Variants in HIPK1 observed in about 807,000 individuals in gnomAD.
The protein encoded by HIPK1 is homeodomain interacting protein kinase 1.
HIPK1 carries 28 observed loss-of-function variants against 117.1 expected under a neutral mutation model. The ratio of observed to expected loss-of-function variants is 0.24; its 90% CI spans 0.18 to 0.33. The LOEUF (loss-of-function observed/expected upper bound fraction) is 0.33, where lower values mean the gene tolerates loss of function less well. Ranked by LOEUF, HIPK1 falls within the 10% of genes least tolerant of loss-of-function variation. The pLI is 1.00. For synonymous variants in HIPK1, 605 were observed against 562.5 expected, an observed-to-expected ratio of 1.08 and a Z score of -1.07; for missense variants, 1,122 against 1,475.1, an observed-to-expected ratio of 0.76 and a Z score of 3.92.
intron 11 of HIPK1, 61 bp downstream of exon 11, chr1:113,966,333 T>C: frequency 6.6e-7 from 1 of 1,504,704 alleles, no homozygotes; most frequent in Non-Finnish European, 9.0e-7. Context: ...GTGGGAGCAC[T>C]TGGTAATAAG....
rs1178060122 is a variant in HIPK1 at position 113,973,364 on chromosome 1, C to G, written c.3485C>G (p.Pro1162Arg). Reference sequence around the variant, plus strand: ...CACCAGGTCCCTGTCAGTGTTGGGCCCAGCCTCCTCACTTCTGCCAGCGTG... The same window carrying G: ...CACCAGGTCCCTGTCAGTGTTGGGCGCAGCCTCCTCACTTCTGCCAGCGTG... ...LVHQVPVSVG[P>R]SLLTSASVAP... Residue 1162 changes from proline (P) to arginine (R), a missense_variant, in exon 16 of 16, where the codon CCC becomes CGC. Pro to Arg is a moderately radical substitution (Grantham distance 103). This residue lies in a region of HIPK1 where 731 missense variants were observed against 860.4 expected (regional missense o/e 0.85). Transcript: ENST00000426820. 1 of 1,614,144 alleles carries G rather than the reference C, an allele frequency of 6.2e-7. No homozygotes were observed. The highest frequency in any genetic ancestry group is 8.5e-7 in the Non-Finnish European group (1 of 1,180,010).
chr1:113,973,711 A>G lies in HIPK1; in HGVS notation c.*199A>G, dbSNP rs979010933. The G allele has an allele frequency of 8.6e-6, 4 of 465,120 alleles. No individual in the cohort carries two copies. In the Admixed American group the frequency reaches 1.3e-4, roughly 15 times the overall value. The allele number at this position is 465,120 out of a possible 1,614,324, so 28.8% of individuals were successfully genotyped here. On this transcript the variant is annotated 3_prime_UTR_variant, in exon 16 of 16. Coordinates refer to ENST00000426820, the MANE Select transcript of HIPK1 (RefSeq NM_198268.3). Reference sequence around the variant, plus strand: ...TGACTGCATTGTTGTAGTCTTCCCAAAGTTTGCCCTATTTTTAAATTCATT... The same window carrying G: ...TGACTGCATTGTTGTAGTCTTCCCAGAGTTTGCCCTATTTTTAAATTCATT...
chr1:113,950,436 A>G (rs1041044974), intron 2 of HIPK1, among the ~76,000 whole-genome samples: 1 of 152,200 alleles, frequency 6.6e-6, no homozygotes, highest in African/African-American at 2.4e-5. Flanking sequence ...TAAGAAAGAA[A>G]GGAAATTATT....
At chr1:113,958,567 T>A (rs1671881763) in intron 8 of HIPK1, among the ~76,000 whole-genome samples, 1 of 152,238 alleles carries the variant, frequency 6.6e-6, no homozygotes, top group South Asian at 2.1e-4. Context: ...CTTGTGTCAA[T>A]GTCGTACGTC....
At chr1:113,965,654 A>T (rs1401882272) in intron 10 of HIPK1, among the ~76,000 whole-genome samples, 1 of 152,164 alleles carries the variant, frequency 6.6e-6, no homozygotes, top group Non-Finnish European at 1.5e-5. Flanking sequence ...CTACCCTTTT[A>T]AAAAAGGGAA....
At chr1:113,954,126 AATTCTTTTATTTTT>A (rs1437790545) in intron 3 of HIPK1, among the ~76,000 whole-genome samples, 5 of 151,950 alleles carry the variant, frequency 3.3e-5, no homozygotes, top group African/African-American at 1.2e-4. Context: ...TTGCCTAGCT[AATTCTTTTATTTTT>A]TGTAGAGTCG....
At chr1:113,960,971 G>A (rs1672068493) in intron 8 of HIPK1, among the ~76,000 whole-genome samples, 2 of 152,138 alleles carry the variant, frequency 1.3e-5, no homozygotes, top group South Asian at 2.1e-4. Flanking sequence ...AAATTAGTTG[G>A]TGATAGTTGA....
intron 1 of HIPK1, chr1:113,932,290 A>G (rs1271831008): frequency 6.6e-6 from 1 of 152,006 alleles, no homozygotes; most frequent in Non-Finnish European, 1.5e-5. Flanking sequence ...CAGAGTGCTT[A>G]AGGAAAAAGA....
intron 14 of HIPK1, among the ~76,000 whole-genome samples, chr1:113,970,797 T>C (rs1672773325): frequency 6.6e-6 from 1 of 151,968 alleles, no homozygotes; most frequent in Non-Finnish European, 1.5e-5. Context: ...GAATTTTACT[T>C]CTCTCTCATA....
intron 10 of HIPK1, among the ~76,000 whole-genome samples, chr1:113,965,821 T>C (rs1294939039): frequency 6.6e-6 from 1 of 152,206 alleles, no homozygotes. Flanking sequence ...TTTAACCAGC[T>C]CTTATCTCTG....
In HIPK1 at chr1:113,973,160, G is replaced by A; in HGVS notation, c.3281G>A (p.Gly1094Glu). Reference protein sequence around the residue: ...FQHGSPLHSTGHPHLAPAPAH... With the variant: ...FQHGSPLHSTEHPHLAPAPAH... ...CATGGCAGCCCGCTACACTCGACAG[G>A]GCACCCACACCTTGCCCCGGCCCCT... is the stretch of plus-strand genomic sequence containing the variant. The change falls in exon 16 of 16, where the codon GGG becomes GAG. Residue 1094 changes from glycine to glutamate, a missense_variant. Around this residue, in one of 6 missense-constraint regions of HIPK1, gnomAD observed 731 missense variants for 860.4 expected, o/e 0.85. Transcript: ENST00000426820. The A allele has an allele frequency of 6.2e-7, 1 of 1,608,334 alleles. No homozygotes were observed. Among genetic ancestry groups the A allele is most frequent in the African/African-American group, 1.3e-5 (1 of 74,948 alleles).
At chr1:113,954,438 G>A (rs1671576430) in intron 3 of HIPK1, among the ~76,000 whole-genome samples, 1 of 152,142 alleles carries the variant, frequency 6.6e-6, no homozygotes, top group African/African-American at 2.4e-5. Context: ...AAAGATTATA[G>A]CCAAAATTTT....
At position 113,940,796 on chromosome 1, in the gene HIPK1, T is replaced by C; in HGVS notation, c.413T>C (p.Ile138Thr). ...EEVDSNGSVQ[I>T]IEEHPPLMLQ... is the part of the protein sequence containing the mutation. ...GTTGACAGCAACGGTAGTGTGCAGA[T>C]CATAGAAGAACATCCCCCTCTCATG... Residue 138 changes from isoleucine (I) to threonine (T), a missense_variant, in exon 2 of 16, where the codon ATC (isoleucine) becomes ACC (threonine). Transcript: ENST00000426820. 6.2e-7 allele frequency: 1 copy of C among 1,614,020 alleles called. No individual in the cohort carries two copies. Among genetic ancestry groups the C allele is most frequent in the Non-Finnish European group, 8.5e-7 (1 of 1,180,014 alleles).
chr1:113,969,775 T>C (rs1395736413), intron 13 of HIPK1, among the ~76,000 whole-genome samples, 181 bp from the exon 14 acceptor site: 1 of 151,848 alleles, frequency 6.6e-6, no homozygotes. Context: ...GGCATGGTGG[T>C]ACACACCTGT....
rs373431460 is a variant in HIPK1 at position 113,973,473 on chromosome 1, G to A, written c.3594G>A (p.Pro1198=). ...SRGSTIYTGY[P]LSPTKISQYS... ...GCTCAACAATTTACACTGGATACCC[G>A]CTGAGTCCTACCAAGATCAGCCAGT... The change falls in exon 16 of 16, where the codon CCG becomes CCA. Residue 1198 remains proline, a synonymous_variant. Coordinates refer to ENST00000426820, the MANE Select transcript of HIPK1 (RefSeq NM_198268.3). 12 of 1,608,718 alleles carry A rather than the reference G, an allele frequency of 7.5e-6. No homozygotes were observed. Among genetic ancestry groups the A allele is most frequent in the African/African-American group, 2.7e-5 (2 of 74,858 alleles).
intron 1 of HIPK1, among the ~76,000 whole-genome samples, chr1:113,938,330 C>A (rs1670387524): frequency 6.6e-6 from 1 of 151,148 alleles, no homozygotes; most frequent in Admixed American, 6.6e-5. Flanking sequence ...ATCTTGAACT[C>A]CTGAGCTCAA....
intron 2 of HIPK1, among the ~76,000 whole-genome samples, chr1:113,945,095 C>G (rs947881575): frequency 6.6e-6 from 1 of 152,026 alleles, no homozygotes; most frequent in Non-Finnish European, 1.5e-5. Context: ...GTGATATGCC[C>G]GCCTCGGCAA....
In HIPK1 at chr1:113,977,579, A is replaced by T. The variant is rs986143160; in HGVS notation, c.*4067A>T. ...TGAGCTATGTTTGTAATGCAGATGT[A>T]CTTAGGGAGTATGTAAAATAATCAT... On this transcript the variant is annotated 3_prime_UTR_variant, in exon 16 of 16. Coordinates refer to ENST00000426820, the MANE Select transcript of HIPK1 (RefSeq NM_198268.3). 1 of 152,776 alleles carries T rather than the reference A, an allele frequency of 6.5e-6. No individual in the cohort carries two copies. Among genetic ancestry groups the T allele is most frequent in the African/African-American group, 2.4e-5 (1 of 41,454 alleles). 9.5% of individuals were successfully genotyped at this position (152,776 alleles called of 1,614,324 possible). A position where few individuals can be genotyped will look rare whatever the true frequency, so the allele number is the denominator to read the frequency against.
At chr1:113,967,404 G>C (rs1303811349) in intron 11 of HIPK1, among the ~76,000 whole-genome samples, 1 of 151,962 alleles carries the variant, frequency 6.6e-6, no homozygotes, top group Admixed American at 6.6e-5. Flanking sequence ...CTTGTCTTTT[G>C]GATATAAGCC....
Sources: allele counts gnomAD v4.1 joint callset (sites outside exome capture counted in the v4.1 genomes callset), GRCh38; gene constraint gnomAD v4.1.1; regional missense constraint gnomAD v4.1.1; transcripts MANE v1.5; gene names NCBI Gene and HGNC (gene_info 2026-07-23, HGNC 2026-07-21).